Variants in PCBP3 observed in about 807,000 individuals in gnomAD.
The protein encoded by PCBP3 is poly(rC) binding protein 3.
In PCBP3, 25 loss-of-function variants were observed where a neutral mutation model predicts 52.7. The ratio of observed to expected loss-of-function variants is 0.47; its 90% CI spans 0.35 to 0.66. PCBP3 has a LOEUF of 0.66. PCBP3 is among the 30% of genes least tolerant of loss of function. The pLI, the probability that PCBP3 is intolerant of heterozygous loss-of-function variation, is 0.01. For synonymous variants in PCBP3, 162 were observed against 183.0 expected, an observed-to-expected ratio of 0.89 and a Z score of 0.93; for missense variants, 391 against 490.3, an observed-to-expected ratio of 0.80 and a Z score of 1.91.
At chr21:45,879,995 CAAAT>C (rs1310293796) in intron 5 of PCBP3, among the ~76,000 whole-genome samples, 2 of 152,198 alleles carry the variant, frequency 1.3e-5, no homozygotes, top group Non-Finnish European at 2.9e-5. Context: ...TGGAGTAGTT[CAAAT>C]AAAGGAAGGA....
intron 1 of PCBP3, among the ~76,000 whole-genome samples, chr21:45,649,865 T>TA (rs2079563408): frequency 6.6e-6 from 1 of 152,094 alleles, no homozygotes. Flanking sequence ...AAAAGCTTTT[T>TA]AAAAAAATCA....
intron 3 of PCBP3, among the ~76,000 whole-genome samples, chr21:45,744,855 T>A (rs1251257346): frequency 6.6e-6 from 1 of 152,202 alleles, no homozygotes; most frequent in African/African-American, 2.4e-5. Flanking sequence ...AAAGATTAAT[T>A]TCTTGGTAGT....
At chr21:45,653,319 A>G (rs905178789) in intron 1 of PCBP3, among the ~76,000 whole-genome samples, 3 of 152,108 alleles carry the variant, frequency 2.0e-5, no homozygotes, top group African/African-American at 7.2e-5. Context: ...TTACTGAGAT[A>G]ATTACACAAT....
At chr21:45,925,538 A>G (rs1336477268) in intron 13 of PCBP3, among the ~76,000 whole-genome samples, 2 of 152,214 alleles carry the variant, frequency 1.3e-5, no homozygotes, top group Non-Finnish European at 2.9e-5. Context: ...TTTAAGCTGA[A>G]CAAATAGGCA....
intron 5 of PCBP3, among the ~76,000 whole-genome samples, chr21:45,887,901 C>T (rs563914746): frequency 6.6e-6 from 1 of 152,166 alleles, no homozygotes; most frequent in Non-Finnish European, 1.5e-5. Flanking sequence ...CAGCCCACGG[C>T]GAAGAGAGAC....
chr21:45,691,153 TACTA>T (rs1201646478), intron 2 of PCBP3, among the ~76,000 whole-genome samples: 2 of 151,888 alleles, frequency 1.3e-5, no homozygotes, highest in Non-Finnish European at 2.9e-5. Flanking sequence ...AAGAGTACAA[TACTA>T]ACTAATAAAC....
chr21:45,702,258 T>C (rs1603289282), intron 2 of PCBP3, among the ~76,000 whole-genome samples: 2 of 152,230 alleles, frequency 1.3e-5, no homozygotes, highest in East Asian at 3.8e-4. Flanking sequence ...TTACTATGCA[T>C]GATTTTCATA....
intron 4 of PCBP3, among the ~76,000 whole-genome samples, chr21:45,794,615 G>A (rs1034032221): frequency 6.6e-6 from 1 of 152,118 alleles, no homozygotes; most frequent in Non-Finnish European, 1.5e-5. Flanking sequence ...CTATTAAAAG[G>A]CAGACCTCAG....
At chr21:45,768,026 C>T (rs911544261) in intron 4 of PCBP3, among the ~76,000 whole-genome samples, 5 of 152,268 alleles carry the variant, frequency 3.3e-5, no homozygotes, top group Admixed American at 6.5e-5. Context: ...CCACGTTGGC[C>T]ACAGGCCATG....
intron 1 of PCBP3, among the ~76,000 whole-genome samples, chr21:45,646,089 C>CTCTT (rs2079258251): frequency 8.2e-5 from 7 of 84,918 alleles, no homozygotes; most frequent in African/African-American, 2.4e-4. Context: ...CTCTTTCTCT[C>CTCTT]TCTCTCTCTC....
chr21:45,675,594 T>C (rs915570915), intron 2 of PCBP3, among the ~76,000 whole-genome samples: 1 of 152,206 alleles, frequency 6.6e-6, no homozygotes, highest in Admixed American at 6.5e-5. Flanking sequence ...GCAGTGCCAG[T>C]GAAAGCAGAG....
At chr21:45,882,957 T>A (rs2095436649) in intron 5 of PCBP3, among the ~76,000 whole-genome samples, 1 of 152,256 alleles carries the variant, frequency 6.6e-6, no homozygotes, top group East Asian at 1.9e-4. Context: ...ATTTTGTTCT[T>A]CTTTTATTAG....
At chr21:45,690,568 A>G (rs1176495773) in intron 2 of PCBP3, among the ~76,000 whole-genome samples, 1 of 152,166 alleles carries the variant, frequency 6.6e-6, no homozygotes, top group East Asian at 1.9e-4. Flanking sequence ...TCCTACATAT[A>G]TCTGAAAAAA....
chr21:45,806,889 C>T (rs1301809852), intron 4 of PCBP3, among the ~76,000 whole-genome samples: 5 of 152,278 alleles, frequency 3.3e-5, no homozygotes, highest in East Asian at 3.9e-4. Context: ...TCAGATGCTC[C>T]GAGCTCCTTG....
chr21:45,733,964 T>C (rs1236882698), intron 2 of PCBP3, among the ~76,000 whole-genome samples: 1 of 152,282 alleles, frequency 6.6e-6, no homozygotes, highest in African/African-American at 2.4e-5. Flanking sequence ...TTATGAGATA[T>C]ATTTTTGTGC....
intron 5 of PCBP3, among the ~76,000 whole-genome samples, chr21:45,886,422 T>C (rs59373142): frequency 4.4e-5 from 6 of 137,430 alleles, no homozygotes; most frequent in Admixed American, 7.1e-5. Flanking sequence ...GCCTCATTGC[T>C]GCGGGTGCCA....
At chr21:45,846,921 G>A (rs1255475299) in intron 4 of PCBP3, among the ~76,000 whole-genome samples, 2 of 152,170 alleles carry the variant, frequency 1.3e-5, no homozygotes, top group Non-Finnish European at 1.5e-5. Context: ...AAGCAGAGCT[G>A]GCTTTGTGAG....
chr21:45,770,110 G>A (rs1047078087), intron 4 of PCBP3, among the ~76,000 whole-genome samples: 4 of 152,192 alleles, frequency 2.6e-5, no homozygotes, highest in Non-Finnish European at 4.4e-5. Flanking sequence ...AATCGACGGC[G>A]ACCCGGCCTC....
intron 4 of PCBP3, among the ~76,000 whole-genome samples, chr21:45,784,235 G>A (rs566304784): frequency 3.5e-4 from 53 of 152,126 alleles, no homozygotes; most frequent in Non-Finnish European, 6.3e-4. Context: ...TGTTTTGATT[G>A]TAAAGAATAA....
Sources: allele counts gnomAD v4.1 joint callset (sites outside exome capture counted in the v4.1 genomes callset), GRCh38; gene constraint gnomAD v4.1.1; transcripts MANE v1.5; gene names NCBI Gene and HGNC (gene_info 2026-07-23, HGNC 2026-07-21).